The following WDPCP variants were observed in gnomAD, a reference collection of about 807,000 sequenced individuals.
WDPCP encodes WD repeat-containing and planar cell polarity effector protein fritz homolog.
Under a neutral mutation model 93.1 loss-of-function variants are expected in WDPCP, and 71 were observed. The observed-to-expected ratio is 0.76, with a 90% confidence interval of 0.63 to 0.93. The LOEUF is 0.93. Ranked by LOEUF, WDPCP falls within the 40% of genes least tolerant of loss-of-function variation. WDPCP has a pLI of 0.00. For missense variants in WDPCP, 844 were observed against 887.4 expected, an observed-to-expected ratio of 0.95 and a Z score of 0.62; for synonymous variants, 315 against 315.0, an observed-to-expected ratio of 1.00 and a Z score of 0.00.
chr2:63,225,508 C>G (rs925442959), intron 14 of WDPCP, among the ~76,000 whole-genome samples: 2 of 151,550 alleles, frequency 1.3e-5, no homozygotes, highest in African/African-American at 4.8e-5. Context: ...GCCCTAAGAC[C>G]CAACAATTCA....
chr2:63,583,497 A>G (rs1708627237), intron 1 of WDPCP, among the ~76,000 whole-genome samples: 1 of 152,156 alleles, frequency 6.6e-6, no homozygotes, highest in Non-Finnish European at 1.5e-5. Flanking sequence ...TCTGACCAAC[A>G]TGGTGAAAAC....
intron 14 of WDPCP, among the ~76,000 whole-genome samples, chr2:63,241,737 C>G (rs1484399145): frequency 6.6e-6 from 1 of 152,102 alleles, no homozygotes; most frequent in Non-Finnish European, 1.5e-5. Flanking sequence ...AGCTAGATTA[C>G]AGGTGTTTGC....
chr2:63,839,723 G>A, the WDPCP span, among the ~76,000 whole-genome samples: 1 of 152,180 alleles, frequency 6.6e-6, no homozygotes, highest in Non-Finnish European at 1.5e-5. Context: ...AACAATTTTT[G>A]TACTGTATAC....
chr2:63,568,452 G>A (rs765593823), intron 1 of WDPCP, among the ~76,000 whole-genome samples: 1 of 152,024 alleles, frequency 6.6e-6, no homozygotes, highest in Non-Finnish European at 1.5e-5. Context: ...AGTACTATTT[G>A]AAACGCTTGT....
chr2:63,722,798 T>C (rs1241501714), intron 2 of WDPCP, among the ~76,000 whole-genome samples: 1 of 152,034 alleles, frequency 6.6e-6, no homozygotes, highest in South Asian at 2.1e-4. Context: ...CAACAGCTCA[T>C]TGAGAACGGG....
chr2:63,556,912 C>T (rs1706169760), intron 1 of WDPCP, among the ~76,000 whole-genome samples: 1 of 152,124 alleles, frequency 6.6e-6, no homozygotes, highest in African/African-American at 2.4e-5. Flanking sequence ...CATATCCAGC[C>T]AAACTAAGCT....
intron 10 of WDPCP, among the ~76,000 whole-genome samples, chr2:63,383,838 C>T (rs1019888530): frequency 7.2e-5 from 11 of 152,042 alleles, no homozygotes; most frequent in Admixed American, 2.0e-4. Context: ...TGAATTTGAC[C>T]TAATTGACAT....
At chr2:63,644,009 G>T (rs1710015963) in intron 3 of WDPCP, 11 of 459,632 alleles carry the variant, frequency 2.4e-5, no homozygotes, top group South Asian at 1.8e-4. Context: ...CTTTGGAGCT[G>T]GTACTCACTT....
intron 9 of WDPCP, among the ~76,000 whole-genome samples, chr2:63,416,545 AC>A (rs1162059810): frequency 1.7e-5 from 1 of 60,058 alleles, no homozygotes; most frequent in East Asian, 4.0e-4. Context: ...TTTTTTTGAG[AC>A]GGAGTCTCGC....
At chr2:63,815,934 T>C (rs568327854) in intron 1 of WDPCP, among the ~76,000 whole-genome samples, 1 of 152,288 alleles carries the variant, frequency 6.6e-6, no homozygotes, top group East Asian at 1.9e-4. Context: ...TCCTGATATT[T>C]TAATGAGTTA....
At chr2:63,394,872 A>G (rs1693583773) in intron 10 of WDPCP, among the ~76,000 whole-genome samples, 1 of 152,170 alleles carries the variant, frequency 6.6e-6, no homozygotes, top group Admixed American at 6.6e-5. Context: ...AACAATAGAC[A>G]ACAGGGCCTA....
intron 1 of WDPCP, among the ~76,000 whole-genome samples, chr2:63,550,045 G>A (rs373945210): frequency 7.1e-6 from 1 of 141,474 alleles, no homozygotes; most frequent in East Asian, 2.2e-4. Context: ...ATCTTCAAAT[G>A]CATCAACCAA....
At chr2:63,530,800 G>C (rs1292142970) in intron 1 of WDPCP, among the ~76,000 whole-genome samples, 1 of 152,186 alleles carries the variant, frequency 6.6e-6, no homozygotes, top group Non-Finnish European at 1.5e-5. Flanking sequence ...GGTGATTTCT[G>C]CATTTCCAAC....
chr2:63,668,351 A>G (rs1378929568), intron 2 of WDPCP, among the ~76,000 whole-genome samples: 2 of 152,234 alleles, frequency 1.3e-5, no homozygotes, highest in Non-Finnish European at 2.9e-5. Context: ...GATTCTCTCC[A>G]TAAACCAATT....
chr2:63,589,215 G>T, upstream of WDPCP: 1 of 1,574,048 alleles, frequency 6.4e-7, no homozygotes, highest in Admixed American at 1.9e-5. Context: ...CCAGTAATGG[G>T]AAGGGATTGA....
Position 63,259,345 on chromosome 2 carries a change from G to A in WDPCP, c.1877C>T (p.Ala626Val). 1 of 1,612,700 alleles carries A rather than the reference G, an allele frequency of 6.2e-7. No homozygotes were observed. Among genetic ancestry groups the A allele is most frequent in the Non-Finnish European group, 8.5e-7 (1 of 1,179,558 alleles). The change falls in exon 14 of 18, where the codon GCT becomes GTT. Residue 626 changes from alanine to valine, a missense_variant. Ala to Val is a moderately conservative substitution (Grantham distance 64). Coordinates refer to ENST00000272321, the MANE Select transcript of WDPCP (RefSeq NM_015910.7). Reference protein sequence around the residue: ...LALAEVARKRASDIDAESITS... With the variant: ...LALAEVARKRVSDIDAESITS... ...TATTGATTCTGCATCAATGTCACTA[G>A]CTCTTTTTCTTGCCACTTCAGCTAG...
At chr2:63,437,649 A>C (rs1185582386) in intron 7 of WDPCP, 95 bp from the exon 8 acceptor site, 2 of 1,192,144 alleles carry the variant, frequency 1.7e-6, no homozygotes, top group Non-Finnish European at 1.2e-6. Flanking sequence ...AAACATACAT[A>C]TTAACTGAAA....
chr2:63,228,033 T>C (rs1323543289), intron 14 of WDPCP, among the ~76,000 whole-genome samples: 3 of 152,062 alleles, frequency 2.0e-5, no homozygotes, highest in African/African-American at 7.2e-5. Flanking sequence ...CAAAATCAGT[T>C]GCTAAGAATA....
At chr2:63,440,026 C>A (rs1034359347) in intron 6 of WDPCP, 155 bp from the exon 7 acceptor site, 1 of 621,028 alleles carries the variant, frequency 1.6e-6, no homozygotes, top group Non-Finnish European at 2.9e-6. Context: ...AAAACAATTA[C>A]TGACATTGTG....
Sources: allele counts gnomAD v4.1 joint callset (sites outside exome capture counted in the v4.1 genomes callset), GRCh38; gene constraint gnomAD v4.1.1; transcripts MANE v1.5; gene names NCBI Gene and HGNC (gene_info 2026-07-23, HGNC 2026-07-21).